The following DIAPH2 variants were observed in gnomAD, a reference collection of about 807,000 sequenced individuals.
DIAPH2 encodes diaphanous related formin 2, also known as protein diaphanous homolog 2.
A neutral mutation model predicts 92.7 loss-of-function variants in DIAPH2; 35 were observed. The ratio of observed to expected loss-of-function variants is 0.38; its 90% CI spans 0.29 to 0.50. The LOEUF is 0.50. Ranked by LOEUF, DIAPH2 falls within the 20% of genes least tolerant of loss-of-function variation. The probability of loss-of-function intolerance (pLI) is 0.94; values close to 1 mark genes in which losing one functional copy is unlikely to be tolerated. For missense variants in DIAPH2, 701 were observed against 819.5 expected (o/e 0.86, Z 1.77); for synonymous variants, 301 against 280.4 (o/e 1.07, Z -0.73).
intron 23 of DIAPH2, among the ~76,000 whole-genome samples, chrX:97,257,731 G>A (rs2068248902): frequency 9.0e-6 from 1 of 111,431 alleles, no homozygotes; most frequent in South Asian, 3.7e-4. Flanking sequence ...ACTTAGGAAA[G>A]ACTGTTTACC....
In DIAPH2 at chrX:96,901,826, C is replaced by T. The variant is rs140651801; in HGVS notation, c.588-10502C>T. On this transcript the variant is annotated intron_variant, in intron 5 of 26. Coordinates refer to ENST00000324765, the MANE Select transcript of DIAPH2 (RefSeq NM_006729.5). ...CTGGGATTACAGGTGTGAGCTACTG[C>T]GCCCGGCCTTTGTTTGTTCTTGTTT... Among the ~76,000 whole-genome samples, 762 of 110,612 alleles carry T rather than the reference C, an allele frequency of 6.9e-3. 7 individuals carry two copies. Among genetic ancestry groups the T allele is most frequent in the African/African-American group, 0.024 (736 of 30,393 alleles).
In DIAPH2 at chrX:97,507,141, C is replaced by CAAAAAAAAA. The variant is rs397896097; in HGVS notation, c.3241+77413_3241+77421dup. On this transcript the variant is annotated intron_variant, in intron 26 of 26. Coordinates refer to ENST00000324765, the MANE Select transcript of DIAPH2 (RefSeq NM_006729.5). Reference sequence around the variant, plus strand: ...AGGATACACCAGTGAACAAAACCGACAAAAAAAAAAAAAAAAAAAAAAAAA... The same window carrying CAAAAAAAAA: ...AGGATACACCAGTGAACAAAACCGACAAAAAAAAAAAAAAAAAAAAAAAAAAAAAAAAAA... Among the ~76,000 whole-genome samples, 179 of 31,120 alleles carry CAAAAAAAAA rather than the reference C, an allele frequency of 5.8e-3. 9 individuals are homozygous for CAAAAAAAAA. The highest frequency in any genetic ancestry group is 0.017 in the African/African-American group (125 of 7,294). The allele number at this position is 31,120 out of a possible 115,157, so 27.0% of individuals were successfully genotyped here. A position where few individuals can be genotyped will look rare whatever the true frequency, so the allele number is the denominator to read the frequency against.
intron 26 of DIAPH2, among the ~76,000 whole-genome samples, chrX:97,477,104 C>T (rs1028247892): frequency 6.8e-4 from 70 of 103,240 alleles, no homozygotes; most frequent in African/African-American, 2.5e-3. Context: ...CCATGGTGGG[C>T]GGATCACCTG....
At chrX:97,518,954 G>T (rs953257168) in intron 26 of DIAPH2, among the ~76,000 whole-genome samples, 1 of 111,444 alleles carries the variant, frequency 9.0e-6, no homozygotes, top group Non-Finnish European at 1.9e-5. Flanking sequence ...TATCTCAAAG[G>T]CAATTTTGGA....
intron 9 of DIAPH2, among the ~76,000 whole-genome samples, chrX:96,929,053 C>A (rs1462286206): frequency 9.0e-6 from 1 of 111,404 alleles, no homozygotes; most frequent in Non-Finnish European, 1.9e-5. Context: ...TTTCTTCTGG[C>A]AAAAACAATC....
rs763629891 is a variant in DIAPH2 at position 97,147,470 on chromosome X, CT to C, written c.2719+5683del. ...CTGGTTTACTAGACATATTTGATGTCTTTTTTTCCCCCTGTGGCTATCACTT... is the reference window on the plus strand; with the variant it reads ...CTGGTTTACTAGACATATTTGATGTCTTTTTTCCCCCTGTGGCTATCACTT... On this transcript the variant is annotated intron_variant, in intron 22 of 26. Transcript: ENST00000324765. 1.3e-4 allele frequency among the ~76,000 whole-genome samples: 14 copies of C among 110,378 alleles called. No individual in the cohort carries two copies. The East Asian group carries it at 3.4e-3, about 27-fold the overall frequency.
At chrX:96,853,891 G>A (rs1227802345) in intron 4 of DIAPH2, among the ~76,000 whole-genome samples, 1 of 111,646 alleles carries the variant, frequency 9.0e-6, no homozygotes, top group Non-Finnish European at 1.9e-5. Context: ...ATGATACTGT[G>A]CATACGCTAG....
intron 21 of DIAPH2, among the ~76,000 whole-genome samples, chrX:97,120,854 A>G (rs2067053076): frequency 9.1e-6 from 1 of 110,457 alleles, no homozygotes; most frequent in African/African-American, 3.3e-5. Context: ...CATTTCCCCC[A>G]TAGAAGTTGT....
chrX:96,799,057 G>GTT (rs72361356), intron 4 of DIAPH2, among the ~76,000 whole-genome samples: 1 of 101,056 alleles, frequency 9.9e-6, no homozygotes, highest in Non-Finnish European at 2.0e-5. Context: ...ATCTGGAACT[G>GTT]TTTTTTTTTT....
chrX:97,375,677 T>C (rs1250491248), intron 24 of DIAPH2, among the ~76,000 whole-genome samples: 1 of 112,034 alleles, frequency 8.9e-6, no homozygotes, highest in South Asian at 3.7e-4. Context: ...AGGAAACTGC[T>C]GCTATAACCT....
At chrX:96,856,106 TGTGGA>T (rs1038616830) in intron 4 of DIAPH2, among the ~76,000 whole-genome samples, 5 of 111,914 alleles carry the variant, frequency 4.5e-5, no homozygotes, top group Admixed American at 3.8e-4. Context: ...TTAAAGTGTG[TGTGGA>T]GTGGAGGGAG....
intron 26 of DIAPH2, among the ~76,000 whole-genome samples, chrX:97,527,723 A>C (rs754205586): frequency 8.9e-6 from 1 of 112,323 alleles, no homozygotes; most frequent in Admixed American, 9.4e-5. Context: ...TTTGGGCTTC[A>C]ATGGTGGTGC....
chrX:97,160,608 G>A (rs373561526), intron 22 of DIAPH2, among the ~76,000 whole-genome samples: 5 of 111,414 alleles, frequency 4.5e-5, no homozygotes, highest in African/African-American at 1.3e-4. Flanking sequence ...ACCTACTGTC[G>A]TGGATTTCGA....
intron 4 of DIAPH2, among the ~76,000 whole-genome samples, chrX:96,866,175 T>C (rs2065103590): frequency 9.0e-6 from 1 of 111,685 alleles, no homozygotes; most frequent in South Asian, 3.7e-4. Flanking sequence ...TGACCTTACA[T>C]GAACAGCTCT....
chrX:97,598,054 G>C (rs149499237), intron 26 of DIAPH2, among the ~76,000 whole-genome samples: 1,609 of 111,225 alleles, frequency 0.014, 31 homozygotes, highest in African/African-American at 0.05. Context: ...AATCAGTCAA[G>C]AGATGCTAGC....
intron 23 of DIAPH2, among the ~76,000 whole-genome samples, chrX:97,313,930 G>A (rs777088960): frequency 1.1e-3 from 127 of 110,478 alleles, no homozygotes; most frequent in South Asian, 6.7e-3. Flanking sequence ...ATGAGCCACC[G>A]TGCCCGGCCT....
At chrX:97,119,912 G>A (rs760235509) in intron 21 of DIAPH2, among the ~76,000 whole-genome samples, 2 of 111,776 alleles carry the variant, frequency 1.8e-5, no homozygotes, top group East Asian at 2.8e-4. Context: ...TAACAGCAAC[G>A]AGTCTGTTTC....
At chrX:97,333,266 T>C (rs1347625294) in intron 23 of DIAPH2, among the ~76,000 whole-genome samples, 3 of 111,811 alleles carry the variant, frequency 2.7e-5, no homozygotes, top group Non-Finnish European at 3.8e-5. Flanking sequence ...ACTGCTGCCA[T>C]GCAACCTGAT....
intron 4 of DIAPH2, among the ~76,000 whole-genome samples, chrX:96,813,648 G>C (rs764341115): frequency 4.5e-5 from 5 of 111,744 alleles, no homozygotes; most frequent in Non-Finnish European, 5.6e-5. Flanking sequence ...GCATGTTTTT[G>C]CAGTGGCTGG....
Sources: allele counts gnomAD v4.1 joint callset (sites outside exome capture counted in the v4.1 genomes callset), GRCh38; gene constraint gnomAD v4.1.1; transcripts MANE v1.5; gene names NCBI Gene and HGNC (gene_info 2026-07-23, HGNC 2026-07-21).